ENTPD5: variants seen among roughly 807,000 people sequenced by gnomAD.
The protein encoded by ENTPD5 is ectonucleoside triphosphate diphosphohydrolase 5 (inactive).
A neutral mutation model predicts 60.2 loss-of-function variants in ENTPD5; 49 were observed. That is an observed-to-expected ratio of 0.81 (90% CI 0.65 to 1.03). The LOEUF (loss-of-function observed/expected upper bound fraction) is 1.03, where lower values mean the gene tolerates loss of function less well. Among genes scored for constraint, ENTPD5 ranks in the 50% least tolerant of loss-of-function variants. ENTPD5 has a pLI of 0.00. For missense variants in ENTPD5, 480 were observed against 507.6 expected, an observed-to-expected ratio of 0.95 and a Z score of 0.52; for synonymous variants, 187 against 185.4, an observed-to-expected ratio of 1.01 and a Z score of -0.07.
At chr14:73,956,047 G>T (rs917582742), downstream of ENTPD5, 4 of 1,466,632 alleles carry the variant, frequency 2.7e-6, no homozygotes, top group Non-Finnish European at 3.8e-6. Context: ...TCTGATGGCC[G>T]GGTGCGGTGG....
chr14:73,957,448 G>T (rs1363275540), downstream of ENTPD5, among the ~76,000 whole-genome samples: 2 of 152,152 alleles, frequency 1.3e-5, no homozygotes, highest in Non-Finnish European at 1.5e-5. Flanking sequence ...TGTAAATGAT[G>T]TATACAGGCT....
downstream of ENTPD5, chr14:73,955,374 C>T (rs138441022): frequency 1.8e-4 from 193 of 1,062,918 alleles, no homozygotes; most frequent in East Asian, 4.1e-3. Flanking sequence ...CAACCTCTTA[C>T]GTAACAGGAT....
intron 3 of ENTPD5, among the ~76,000 whole-genome samples, chr14:74,000,227 C>A (rs1290692447): frequency 1.3e-5 from 2 of 149,322 alleles, no homozygotes; most frequent in African/African-American, 5.0e-5. Flanking sequence ...GAGGCCAAGG[C>A]AGGCAGATTG....
At chr14:74,001,779 T>C (rs748363022) in intron 3 of ENTPD5, among the ~76,000 whole-genome samples, 5 of 146,456 alleles carry the variant, frequency 3.4e-5, no homozygotes, top group African/African-American at 5.1e-5. Context: ...GCCTGAGAAG[T>C]GGAGGCTGAG....
chr14:73,988,083 G>A lies in ENTPD5; in HGVS notation c.20C>T (p.Thr7Ile), dbSNP rs753847731. The A allele has an allele frequency of 1.5e-5, 24 of 1,611,980 alleles. No homozygotes were observed. The Middle Eastern group carries it at 7.5e-4, about 51-fold the overall frequency. The change falls in exon 4 of 16, where the codon ACA becomes ATA. Residue 7 changes from threonine (T) to isoleucine (I), a missense_variant. Thr to Ile is a moderately conservative substitution (Grantham distance 89). Coordinates refer to ENST00000334696, the MANE Select transcript of ENTPD5 (RefSeq NM_001249.5). Reference protein sequence around the residue: MATSWGTVFFMLVVSCV... With the variant: MATSWGIVFFMLVVSCV... ...GGATACCACCAGCATGAAAAAGACTGTGCCCCAAGAAGTGGCCATTCTTTT... is the reference window on the plus strand; with the variant it reads ...GGATACCACCAGCATGAAAAAGACTATGCCCCAAGAAGTGGCCATTCTTTT...
At chr14:73,955,424 C>G, downstream of ENTPD5, 2 of 1,601,984 alleles carry the variant, frequency 1.2e-6, no homozygotes, top group African/African-American at 1.3e-5. Flanking sequence ...TGAAGTCACT[C>G]TGGTCTATAG....
chr14:74,014,677 G>T (rs528392898), intron 2 of ENTPD5, among the ~76,000 whole-genome samples: 2 of 152,216 alleles, frequency 1.3e-5, no homozygotes, highest in South Asian at 4.1e-4. Context: ...TGACCGCCAG[G>T]ATTTCTTAAA....
At chr14:73,960,827 T>G, downstream of ENTPD5, 1 of 398,310 alleles carries the variant, frequency 2.5e-6, no homozygotes, top group South Asian at 2.2e-5. Context: ...CCTAATGAAA[T>G]AGAGACGGGC....
intron 3 of ENTPD5, among the ~76,000 whole-genome samples, chr14:73,990,668 G>C (rs2058093366): frequency 6.6e-6 from 1 of 151,612 alleles, no homozygotes; most frequent in South Asian, 2.1e-4. Context: ...AAATGTATAG[G>C]GTTTTTTTCC....
intron 13 of ENTPD5, 150 bp downstream of exon 13, chr14:73,972,734 T>G (rs1435921349): frequency 6.9e-5 from 62 of 895,322 alleles, no homozygotes; most frequent in South Asian, 6.5e-4. Context: ...TCCAAAAGAC[T>G]CTAAGTCATT....
chr14:73,959,497 TTG>T, downstream of ENTPD5: 4 of 1,614,166 alleles, frequency 2.5e-6, no homozygotes, highest in Non-Finnish European at 3.4e-6. Context: ...GAGGAAAAAT[TTG>T]TGGATGCCGT....
chr14:73,977,095 G>T lies in ENTPD5; in HGVS notation c.518-36C>A, dbSNP rs144129301. The T allele has an allele frequency of 8.8e-6, 14 of 1,592,886 alleles. No individual in the cohort carries two copies. The East Asian group carries it at 3.1e-4, about 36-fold the overall frequency. ...AGAAAGACAAGGATTAGATCCCAGA[G>T]CATTTTTTCTCTTTCCTGGCCCCAA... On this transcript the variant is annotated intron_variant, in intron 7 of 15. Coordinates refer to ENST00000334696, the MANE Select transcript of ENTPD5 (RefSeq NM_001249.5).
intron 2 of ENTPD5, among the ~76,000 whole-genome samples, chr14:74,011,534 C>T (rs1425328631): frequency 2.0e-5 from 3 of 152,236 alleles, no homozygotes; most frequent in Middle Eastern, 3.4e-3. Flanking sequence ...CAGCAACTCA[C>T]GCCTATAATC....
At chr14:74,005,368 A>AAAAAAAAAAAAAAG (rs1162105743) in intron 3 of ENTPD5, among the ~76,000 whole-genome samples, 4 of 150,182 alleles carry the variant, frequency 2.7e-5, no homozygotes, top group African/African-American at 4.9e-5. Context: ...CGGTCTCAAA[A>AAAAAAAAAAAAAAG]AAAAAGAAAA....
intron 2 of ENTPD5, among the ~76,000 whole-genome samples, chr14:74,011,698 T>C (rs2058850879): frequency 6.6e-6 from 1 of 152,124 alleles, no homozygotes; most frequent in Admixed American, 6.6e-5. Context: ...CTTGGGAGGC[T>C]GAGACAGGAG....
chr14:73,955,991 G>C, downstream of ENTPD5: 2 of 1,605,778 alleles, frequency 1.2e-6, no homozygotes, highest in Non-Finnish European at 1.7e-6. Context: ...CTTACTGGAA[G>C]AAAGGATCTC....
intron 3 of ENTPD5, among the ~76,000 whole-genome samples, chr14:73,988,697 T>C (rs964146296): frequency 6.6e-6 from 1 of 152,242 alleles, no homozygotes. Flanking sequence ...CCAGCCCCTC[T>C]GGTAACTGTC....
At chr14:73,996,616 A>G (rs1344685127) in intron 3 of ENTPD5, 1 of 152,088 alleles carries the variant, frequency 6.6e-6, no homozygotes, top group Non-Finnish European at 1.5e-5. Context: ...TGATATATAC[A>G]GAGGAATCCG....
intron 3 of ENTPD5, chr14:73,996,101 T>G (rs1291227942): frequency 1.0e-6 from 1 of 981,662 alleles, no homozygotes; most frequent in Non-Finnish European, 1.2e-6. Context: ...CCCATTCATG[T>G]GCTCACCTGC....
Sources: gnomAD v4.1 joint callset for allele counts (sites outside exome capture counted in the v4.1 genomes callset) on GRCh38, gnomAD v4.1.1 for gene constraint, MANE v1.5 for transcripts, NCBI Gene and HGNC (gene_info 2026-07-23, HGNC 2026-07-21) for gene names.